The following NLGN4X variants were observed in gnomAD, a reference collection of about 807,000 sequenced individuals.
The protein encoded by NLGN4X is neuroligin-4, X-linked.
Under a neutral mutation model 40.3 loss-of-function variants are expected in NLGN4X, and 3 were observed. The ratio of observed to expected loss-of-function variants is 0.07; its 90% CI spans 0.03 to 0.19. The LOEUF is 0.19. Ranked by LOEUF, NLGN4X falls within the 10% of genes least tolerant of loss-of-function variation. NLGN4X has a pLI of 1.00. For synonymous variants in NLGN4X, 270 were observed against 306.8 expected, an observed-to-expected ratio of 0.88 and a Z score of 1.25; for missense variants, 382 against 708.3, an observed-to-expected ratio of 0.54 and a Z score of 5.23.
chrX:6,198,216 T>G (rs1384137601), intron 1 of NLGN4X, among the ~76,000 whole-genome samples: 1 of 111,861 alleles, frequency 8.9e-6, no homozygotes, highest in African/African-American at 3.2e-5. Context: ...TAATGACGTT[T>G]CGAATAAGCC....
intron 2 of NLGN4X, among the ~76,000 whole-genome samples, chrX:6,071,748 C>CCAG (rs1019166809): frequency 4.5e-5 from 5 of 112,131 alleles, no homozygotes; most frequent in Non-Finnish European, 9.4e-5. Context: ...AACGGGGTCA[C>CCAG]CAGGGCCTTG....
intron 3 of NLGN4X, among the ~76,000 whole-genome samples, chrX:6,003,673 C>G (rs930242007): frequency 1.8e-5 from 2 of 111,743 alleles, no homozygotes; most frequent in African/African-American, 6.5e-5. Context: ...AAACTTATTT[C>G]TCTTTCTTTT....
chrX:6,187,581 T>C (rs1339555068), intron 1 of NLGN4X: 1 of 112,498 alleles, frequency 8.9e-6, no homozygotes, highest in Non-Finnish European at 1.9e-5. Context: ...AGGCGAAGTC[T>C]CCACTGAAGG....
chrX:5,906,878 G>A (rs2032215126), intron 4 of NLGN4X, among the ~76,000 whole-genome samples: 2 of 110,842 alleles, frequency 1.8e-5, no homozygotes, highest in African/African-American at 3.3e-5. Flanking sequence ...CAGGAAGTTC[G>A]AGACTAGCCT....
chrX:5,931,344 T>C (rs2033538171), intron 3 of NLGN4X, among the ~76,000 whole-genome samples: 2 of 112,479 alleles, frequency 1.8e-5, no homozygotes, highest in South Asian at 7.3e-4. Flanking sequence ...AGGAAATTGT[T>C]CCTGGAACAT....
intron 2 of NLGN4X, among the ~76,000 whole-genome samples, chrX:6,076,459 ACT>A (rs2038199309): frequency 1.8e-5 from 2 of 111,600 alleles, no homozygotes; most frequent in South Asian, 7.6e-4. Flanking sequence ...CTTTTGTATG[ACT>A]CTGGCAATTT....
intron 1 of NLGN4X, among the ~76,000 whole-genome samples, chrX:6,168,916 T>A (rs1462873304): frequency 8.9e-6 from 1 of 111,916 alleles, no homozygotes; most frequent in African/African-American, 3.2e-5. Flanking sequence ...CTTTTAGTAA[T>A]ACACTAGAGA....
At position 6,008,185 on chromosome X, in the gene NLGN4X, A is replaced by G. The variant is rs192619051; in HGVS notation, c.625+21095T>C. Among the ~76,000 whole-genome samples the G allele has an allele frequency of 2.5e-3, 276 of 111,968 alleles. 2 individuals are homozygous for G. The highest frequency in any genetic ancestry group is 8.5e-3 in the African/African-American group (263 of 30,837). On this transcript the variant is annotated intron_variant, in intron 3 of 5. Transcript: ENST00000381095. ...AGTATATTTGCATTTTTGTGAATCT[A>G]TCTCTAGAAATTTTTCATGTTCGCA...
intron 3 of NLGN4X, among the ~76,000 whole-genome samples, chrX:6,017,746 G>A (rs1438083983): frequency 8.9e-6 from 1 of 112,014 alleles, no homozygotes. Flanking sequence ...CCAGGCAGCG[G>A]TCTGTAGCTC....
chrX:5,912,245 A>C (rs2032509285), intron 3 of NLGN4X, among the ~76,000 whole-genome samples: 1 of 111,184 alleles, frequency 9.0e-6, no homozygotes, highest in East Asian at 2.8e-4. Context: ...CTGACAACTG[A>C]TTGGTCCTAC....
At chrX:6,001,276 G>T (rs1409575533) in intron 3 of NLGN4X, among the ~76,000 whole-genome samples, 1 of 111,689 alleles carries the variant, frequency 9.0e-6, no homozygotes, top group Non-Finnish European at 1.9e-5. Context: ...AAATGGTCAG[G>T]CAAGTTTAGA....
chrX:5,931,713 A>G lies in NLGN4X; in HGVS notation c.626-22474T>C, dbSNP rs990403255. ...ACATAATGCCCCTTCCTCCACAGAA[A>G]TCTACTTTTGAAAAACTACAGAGGA... On this transcript the variant is annotated intron_variant, in intron 3 of 5. Transcript: ENST00000381095. 7.2e-5 allele frequency among the ~76,000 whole-genome samples: 8 copies of G among 111,462 alleles called. No individual in the cohort carries two copies. The Admixed American group carries it at 7.7e-4, about 11-fold the overall frequency.
Position 6,069,631 on chromosome X carries a change from T to C in NLGN4X, c.473-40199A>G, listed in dbSNP as rs1203791641. On this transcript the variant is annotated intron_variant, in intron 2 of 5. Coordinates refer to ENST00000381095, the MANE Select transcript of NLGN4X (RefSeq NM_181332.3). ...ATTTTAGAAATGACTACATCGGTCC[T>C]ACTGGTGTTATTATAACAAGGCCTA... 4.5e-5 allele frequency among the ~76,000 whole-genome samples: 5 copies of C among 112,354 alleles called. No homozygotes were observed. The Admixed American group carries it at 4.7e-4, about 11-fold the overall frequency.
chrX:5,921,181 T>A (rs1175832682), intron 3 of NLGN4X, among the ~76,000 whole-genome samples: 1 of 101,601 alleles, frequency 9.8e-6, no homozygotes, highest in Non-Finnish European at 1.9e-5. Flanking sequence ...TAGACATGTA[T>A]ATGTCTAAAA....
chrX:6,145,039 G>T (rs2040018889), intron 2 of NLGN4X, among the ~76,000 whole-genome samples: 1 of 111,403 alleles, frequency 9.0e-6, no homozygotes. Flanking sequence ...TCTAAGGCAT[G>T]TCTGGCATAT....
chrX:6,175,253 T>A (rs1435956876), intron 1 of NLGN4X, among the ~76,000 whole-genome samples: 1 of 111,327 alleles, frequency 9.0e-6, no homozygotes, highest in East Asian at 2.8e-4. Context: ...ACTTGAATTT[T>A]AAAAAATAAT....
intron 3 of NLGN4X, among the ~76,000 whole-genome samples, chrX:6,027,319 T>C (rs1480032965): frequency 8.9e-6 from 1 of 112,385 alleles, no homozygotes; most frequent in African/African-American, 3.2e-5. Context: ...AAGCGTGCAA[T>C]TACTGCTATG....
intron 2 of NLGN4X, among the ~76,000 whole-genome samples, chrX:6,039,695 G>C (rs1353046369): frequency 8.9e-6 from 1 of 112,002 alleles, no homozygotes; most frequent in Admixed American, 9.5e-5. Flanking sequence ...AATATTAACA[G>C]TTTATATTTC....
chrX:5,964,109 C>A (rs902735006), intron 3 of NLGN4X, among the ~76,000 whole-genome samples: 11 of 111,281 alleles, frequency 9.9e-5, no homozygotes, highest in African/African-American at 2.9e-4. Flanking sequence ...AAGACTGGAG[C>A]CAGTCAGGGG....
Sources: allele counts gnomAD v4.1 joint callset (sites outside exome capture counted in the v4.1 genomes callset), GRCh38; gene constraint gnomAD v4.1.1; transcripts MANE v1.5; gene names NCBI Gene and HGNC (gene_info 2026-07-23, HGNC 2026-07-21).